Variants in SERPINI1 observed in about 807,000 individuals in gnomAD.
The protein encoded by SERPINI1 is neuroserpin.
In SERPINI1, 19 loss-of-function variants were observed where a neutral mutation model predicts 41.1. That is an observed-to-expected ratio of 0.46 (90% CI 0.32 to 0.68). SERPINI1 has a LOEUF of 0.68. Ranked by LOEUF, SERPINI1 falls within the 30% of genes least tolerant of loss-of-function variation. The probability of loss-of-function intolerance (pLI) is 0.03; values close to 1 mark genes in which losing one functional copy is unlikely to be tolerated. For synonymous variants in SERPINI1, 138 were observed against 156.6 expected, an observed-to-expected ratio of 0.88 and a Z score of 0.89; for missense variants, 460 against 479.2, an observed-to-expected ratio of 0.96 and a Z score of 0.37.
At chr3:167,812,106 C>T (rs1711909692) in intron 6 of SERPINI1, among the ~76,000 whole-genome samples, 1 of 152,136 alleles carries the variant, frequency 6.6e-6, no homozygotes, top group Non-Finnish European at 1.5e-5. Flanking sequence ...CCATGGCATC[C>T]ACTCTTATTT....
chr3:167,737,749 G>A (rs1034848671), intron 1 of SERPINI1, among the ~76,000 whole-genome samples: 2 of 152,116 alleles, frequency 1.3e-5, no homozygotes, highest in African/African-American at 4.8e-5. Context: ...CAAGCAAATG[G>A]ATAGAAGATA....
At position 167,790,423 on chromosome 3, in the gene SERPINI1, A is replaced by T. The variant is rs749315755; in HGVS notation, c.302A>T (p.Glu101Val). Residue 101 changes from glutamate (E) to valine (V), a missense_variant, in exon 3 of 9, where the codon GAG becomes GTG. Coordinates refer to ENST00000446050, the MANE Select transcript of SERPINI1 (RefSeq NM_001122752.2). ...KEFSNMVTAK[E>V]SQYVMKIANS... ...TTTTCAAACATGGTAACTGCTAAAG[A>T]GAGCCAATATGTGATGAAAATTGCC... is the stretch of plus-strand genomic sequence containing the variant. The T allele has an allele frequency of 2.0e-5, 33 of 1,613,932 alleles. No homozygotes were observed. Among genetic ancestry groups the T allele is most frequent in the South Asian group, 8.8e-5 (8 of 91,080 alleles).
Position 167,753,874 on chromosome 3 carries a change from G to A in SERPINI1, c.-19+18051G>A, listed in dbSNP as rs147992868. 5.5e-3 allele frequency among the ~76,000 whole-genome samples: 839 copies of A among 152,296 alleles called. 6 individuals carry two copies. Among genetic ancestry groups the A allele is most frequent in the African/African-American group, 0.019 (798 of 41,572 alleles). On this transcript the variant is annotated intron_variant, in intron 1 of 8. Coordinates refer to ENST00000446050, the MANE Select transcript of SERPINI1 (RefSeq NM_001122752.2). The stretch of plus-strand genomic sequence containing the variant: ...GAAATAATTATATAGTGATGCTACT[G>A]TCTCTCTTCTGGTAAGAAATATCAG...
At chr3:167,769,087 A>T (rs1382737966) in intron 1 of SERPINI1, among the ~76,000 whole-genome samples, 1 of 152,028 alleles carries the variant, frequency 6.6e-6, no homozygotes, top group Admixed American at 6.6e-5. Context: ...TCTGCCTCCC[A>T]GGTTCAGAGA....
At chr3:167,762,038 C>T (rs1425191621) in intron 1 of SERPINI1, among the ~76,000 whole-genome samples, 1 of 152,116 alleles carries the variant, frequency 6.6e-6, no homozygotes, top group South Asian at 2.1e-4. Flanking sequence ...GACAGGTTCT[C>T]CAGCACCTCC....
intron 1 of SERPINI1, among the ~76,000 whole-genome samples, chr3:167,739,096 A>AT (rs1351659219): frequency 1.3e-5 from 2 of 149,714 alleles, no homozygotes; most frequent in Non-Finnish European, 1.5e-5. Context: ...TAAGGGAGAG[A>AT]TTTTTTTGTT....
At chr3:167,795,975 A>G (rs1727698172) in intron 5 of SERPINI1, among the ~76,000 whole-genome samples, 1 of 152,182 alleles carries the variant, frequency 6.6e-6, no homozygotes, top group African/African-American at 2.4e-5. Flanking sequence ...AAGTACAGTT[A>G]AAACACATTC....
Position 167,825,300 on chromosome 3 carries a change from G to GGACAT in SERPINI1, c.1213_1217dup (p.Phe407MetfsTer19). On this transcript the variant is annotated frameshift_variant, in exon 9 of 9. Coordinates refer to ENST00000446050, the MANE Select transcript of SERPINI1 (RefSeq NM_001122752.2). LOFTEE classifies it high-confidence loss of function. ...GCATCCTGAAACAATGAACACAAGT[G>GGACAT]GACATGATTTCGAAGAACTTTAAGT... is the stretch of plus-strand genomic sequence containing the variant. 1 of 1,612,574 alleles carries GGACAT rather than the reference G, an allele frequency of 6.2e-7. No homozygotes were observed.
At chr3:167,784,218 A>G (rs1727232298) in intron 1 of SERPINI1, among the ~76,000 whole-genome samples, 1 of 152,074 alleles carries the variant, frequency 6.6e-6, no homozygotes, top group Admixed American at 6.6e-5. Context: ...CAGTGGATAT[A>G]ATTTTCTGCT....
chr3:167,764,573 A>G (rs978370936), intron 1 of SERPINI1, among the ~76,000 whole-genome samples: 3 of 152,244 alleles, frequency 2.0e-5, no homozygotes, highest in African/African-American at 7.2e-5. Flanking sequence ...GGGTGGGGAC[A>G]CAGCCATACC....
intron 1 of SERPINI1, among the ~76,000 whole-genome samples, chr3:167,782,967 A>C (rs1027193824): frequency 6.6e-5 from 10 of 152,220 alleles, no homozygotes; most frequent in Admixed American, 6.5e-4. Context: ...GCTGCGTCAC[A>C]GTACAAATGC....
At chr3:167,820,646 G>A (rs919079434) in intron 6 of SERPINI1, among the ~76,000 whole-genome samples, 10 of 152,312 alleles carry the variant, frequency 6.6e-5, no homozygotes, top group South Asian at 2.1e-4. Flanking sequence ...GCCAAGAGGG[G>A]GCTAAAGGCA....
At chr3:167,768,100 T>A (rs1322048346) in intron 1 of SERPINI1, among the ~76,000 whole-genome samples, 1 of 152,288 alleles carries the variant, frequency 6.6e-6, no homozygotes, top group South Asian at 2.1e-4. Flanking sequence ...AGAAATATTT[T>A]GTGAGAGTCC....
At chr3:167,767,240 CA>C (rs1372546727) in intron 1 of SERPINI1, among the ~76,000 whole-genome samples, 4 of 152,206 alleles carry the variant, frequency 2.6e-5, no homozygotes, top group Admixed American at 1.3e-4. Context: ...CTGTGCTCTA[CA>C]AATGGAACAA....
intron 6 of SERPINI1, among the ~76,000 whole-genome samples, chr3:167,822,226 C>A (rs1712358134): frequency 6.6e-6 from 1 of 152,202 alleles, no homozygotes; most frequent in African/African-American, 2.4e-5. Context: ...TTAGGACCCA[C>A]CCTAATGACC....
At chr3:167,804,679 TAAAAAC>T (rs1266462059) in intron 5 of SERPINI1, among the ~76,000 whole-genome samples, 1 of 151,952 alleles carries the variant, frequency 6.6e-6, no homozygotes, top group Admixed American at 6.6e-5. Flanking sequence ...ACAAACAAAT[TAAAAAC>T]AAAAAATAAA....
chr3:167,758,455 G>A (rs762779828), intron 1 of SERPINI1, among the ~76,000 whole-genome samples: 2 of 152,194 alleles, frequency 1.3e-5, no homozygotes, highest in Non-Finnish European at 2.9e-5. Flanking sequence ...ATTTCTTATA[G>A]TAGAATTCCA....
intron 6 of SERPINI1, among the ~76,000 whole-genome samples, chr3:167,818,319 C>T (rs569100200): frequency 3.3e-5 from 5 of 152,186 alleles, no homozygotes; most frequent in Middle Eastern, 3.4e-3. Flanking sequence ...TGAGCCACCG[C>T]GCCCGGCCAA....
intron 1 of SERPINI1, among the ~76,000 whole-genome samples, chr3:167,786,980 A>C (rs938774414): frequency 6.6e-6 from 1 of 152,230 alleles, no homozygotes; most frequent in African/African-American, 2.4e-5. Flanking sequence ...CAGCTGTACA[A>C]AAGCATTTTC....
Sources: allele counts gnomAD v4.1 joint callset (sites outside exome capture counted in the v4.1 genomes callset), GRCh38; gene constraint gnomAD v4.1.1; transcripts MANE v1.5; gene names NCBI Gene and HGNC (gene_info 2026-07-23, HGNC 2026-07-21).